ITPRID1: variants seen among roughly 807,000 people sequenced by gnomAD.
The protein encoded by ITPRID1 is ITPR interacting domain containing 1, also known as protein ITPRID1.
ITPRID1 carries 96 observed loss-of-function variants against 95.4 expected under a neutral mutation model. The ratio of observed to expected loss-of-function variants is 1.01; its 90% CI spans 0.85 to 1.19. ITPRID1 has a LOEUF of 1.19. Among genes scored for constraint, ITPRID1 ranks in the 50% most tolerant of loss-of-function variants. The probability of loss-of-function intolerance (pLI) is 0.00; values close to 1 mark genes in which losing one functional copy is unlikely to be tolerated. For synonymous variants in ITPRID1, 510 were observed against 453.6 expected (o/e 1.12, Z -1.58); for missense variants, 1,339 against 1,252.9 (o/e 1.07, Z -1.04).
chr7:31,526,088 T>A (rs1783412890), intron 1 of ITPRID1, among the ~76,000 whole-genome samples: 1 of 152,212 alleles, frequency 6.6e-6, no homozygotes. Flanking sequence ...ACATGACAAC[T>A]AATTCTCTGG....
chr7:31,577,344 C>T (rs1219254760), intron 8 of ITPRID1, among the ~76,000 whole-genome samples: 2 of 152,200 alleles, frequency 1.3e-5, no homozygotes, highest in African/African-American at 2.4e-5. Flanking sequence ...TGAGCTCAAA[C>T]ATCCAGTGAA....
intron 5 of ITPRID1, among the ~76,000 whole-genome samples, chr7:31,562,571 C>A (rs1583501193): frequency 6.6e-6 from 1 of 152,124 alleles, no homozygotes; most frequent in African/African-American, 2.4e-5. Flanking sequence ...GTAAACATAA[C>A]AGATGTTCCC....
At chr7:31,628,349 G>A (rs1788667499) in intron 10 of ITPRID1, among the ~76,000 whole-genome samples, 3 of 152,158 alleles carry the variant, frequency 2.0e-5, no homozygotes, top group South Asian at 4.1e-4. Context: ...GCCAACAAAC[G>A]ACTGGTCTCC....
At chr7:31,560,097 C>T (rs1784576175) in intron 5 of ITPRID1, among the ~76,000 whole-genome samples, 7 of 152,184 alleles carry the variant, frequency 4.6e-5, no homozygotes, top group Admixed American at 4.6e-4. Context: ...TACATTTCAG[C>T]AGCTACCTGA....
chr7:31,611,827 T>C (rs1157726527), intron 10 of ITPRID1, among the ~76,000 whole-genome samples: 1 of 152,026 alleles, frequency 6.6e-6, no homozygotes, highest in Non-Finnish European at 1.5e-5. Flanking sequence ...TGTCTGAGTG[T>C]GTATTTCTCT....
At chr7:31,621,035 A>G (rs1428056991) in intron 10 of ITPRID1, among the ~76,000 whole-genome samples, 30 of 152,076 alleles carry the variant, frequency 2.0e-4, no homozygotes, top group South Asian at 8.3e-4. Context: ...AATGAAATGA[A>G]GCAAGAAGGG....
At position 31,654,745 on chromosome 7, in the gene ITPRID1, A is replaced by G. The variant is rs1791212809; in HGVS notation, c.*1916A>G. ...TGGAATAGGAAAAACTGCTTGGAAA[A>G]GTAATGCCATGAGGGAAGTTTATAA... On this transcript the variant is annotated 3_prime_UTR_variant, in exon 15 of 15. Transcript: ENST00000615280. 6.6e-6 allele frequency among the ~76,000 whole-genome samples: 1 copy of G among 152,314 alleles called. No homozygotes were observed. Among genetic ancestry groups the G allele is most frequent in the Middle Eastern group, 3.4e-3 (1 of 294 alleles).
chr7:31,648,086 CT>C (rs942703941), intron 12 of ITPRID1, among the ~76,000 whole-genome samples: 2 of 151,868 alleles, frequency 1.3e-5, no homozygotes, highest in African/African-American at 4.8e-5. Flanking sequence ...AAAATGAGAT[CT>C]ATCAGAAATA....
chr7:31,619,708 A>G (rs1787621664), intron 10 of ITPRID1, among the ~76,000 whole-genome samples: 1 of 152,036 alleles, frequency 6.6e-6, no homozygotes, highest in Non-Finnish European at 1.5e-5. Context: ...CTGCATTTCC[A>G]TCTGAGGTAC....
chr7:31,618,984 C>T (rs1383468789), intron 10 of ITPRID1, among the ~76,000 whole-genome samples: 1 of 152,146 alleles, frequency 6.6e-6, no homozygotes, highest in Non-Finnish European at 1.5e-5. Flanking sequence ...TGTGGAAGAC[C>T]TGATTCTTCA....
At chr7:31,554,547 C>T (rs773053944) in intron 4 of ITPRID1, 24 bp downstream of exon 4, 1 of 1,610,382 alleles carries the variant, frequency 6.2e-7, no homozygotes, top group Non-Finnish European at 8.5e-7. Context: ...TGTGTGTGTG[C>T]CTTACATGTT....
At chr7:31,658,252 A>C (rs1451222801), downstream of ITPRID1, 14 of 1,486,568 alleles carry the variant, frequency 9.4e-6, no homozygotes, top group Non-Finnish European at 1.2e-5. Context: ...TTGTTTATTT[A>C]ACACATATTC....
At chr7:31,531,515 G>C (rs1300245520) in intron 1 of ITPRID1, among the ~76,000 whole-genome samples, 1 of 152,190 alleles carries the variant, frequency 6.6e-6, no homozygotes, top group Non-Finnish European at 1.5e-5. Context: ...CTTTTCAGGA[G>C]ATCGTTCACT....
At chr7:31,595,869 ATAAAAT>A (rs1188128003) in intron 10 of ITPRID1, among the ~76,000 whole-genome samples, 4 of 152,078 alleles carry the variant, frequency 2.6e-5, no homozygotes, top group African/African-American at 9.6e-5. Context: ...ATGCATACAA[ATAAAAT>A]TAAAATATCA....
chr7:31,577,408 T>C (rs1380487847), intron 8 of ITPRID1, among the ~76,000 whole-genome samples: 1 of 152,176 alleles, frequency 6.6e-6, no homozygotes, highest in Non-Finnish European at 1.5e-5. Context: ...CCATGATCTT[T>C]CCACACTATC....
rs571563415 is a variant in ITPRID1 at position 31,593,267 on chromosome 7, G to A, written c.1228+10076G>A. 3.9e-5 allele frequency among the ~76,000 whole-genome samples: 6 copies of A among 152,206 alleles called. No individual in the cohort carries two copies. The South Asian group carries it at 1.2e-3, about 32-fold the overall frequency. ...TGCAGTGAGCCAAAATCATACCACT[G>A]CACTCCAGCCTGAGAGACAGAGCCA... On this transcript the variant is annotated intron_variant, in intron 10 of 14. Coordinates refer to ENST00000615280, the MANE Select transcript of ITPRID1 (RefSeq NM_001257967.3).
chr7:31,651,449 C>T (rs1347830243), intron 13 of ITPRID1, among the ~76,000 whole-genome samples, 180 bp downstream of exon 13: 1 of 152,028 alleles, frequency 6.6e-6, no homozygotes, highest in Non-Finnish European at 1.5e-5. Flanking sequence ...GAGCCATTTG[C>T]TAGATAGCAA....
chr7:31,627,630 A>G (rs1182406047), intron 10 of ITPRID1, among the ~76,000 whole-genome samples: 1 of 140,802 alleles, frequency 7.1e-6, no homozygotes, highest in African/African-American at 2.6e-5. Context: ...ACTGCAATCC[A>G]GCCTGAGCAA....
intron 10 of ITPRID1, among the ~76,000 whole-genome samples, chr7:31,627,406 C>G (rs1379619113): frequency 2.6e-5 from 4 of 151,974 alleles, no homozygotes; most frequent in African/African-American, 9.7e-5. Context: ...GCCTATAATC[C>G]CAGCTCTTTG....
Sources: gnomAD v4.1 joint callset for allele counts (sites outside exome capture counted in the v4.1 genomes callset) on GRCh38, gnomAD v4.1.1 for gene constraint, MANE v1.5 for transcripts, NCBI Gene and HGNC (gene_info 2026-07-23, HGNC 2026-07-21) for gene names.